Variants in AUTS2 observed in about 807,000 individuals in gnomAD.
AUTS2 encodes the protein autism susceptibility gene 2 protein.
A neutral mutation model predicts 112.4 loss-of-function variants in AUTS2; 17 were observed. The observed-to-expected ratio is 0.15, with a 90% CI of 0.10 to 0.23. AUTS2 has a LOEUF of 0.23. Among genes scored for constraint, AUTS2 ranks in the 10% least tolerant of loss-of-function variants. The pLI, the probability that AUTS2 is intolerant of heterozygous loss-of-function variation, is 1.00. For missense variants in AUTS2, 1,510 were observed against 1,701.6 expected, an observed-to-expected ratio of 0.89 and a Z score of 1.98; for synonymous variants, 751 against 702.7, an observed-to-expected ratio of 1.07 and a Z score of -1.09.
intron 1 of AUTS2, among the ~76,000 whole-genome samples, chr7:69,702,745 C>A (rs1387443046): frequency 6.6e-6 from 1 of 152,094 alleles, no homozygotes; most frequent in African/African-American, 2.4e-5. Flanking sequence ...CCAGTGGGTG[C>A]AGTTCAAGAA....
At chr7:70,037,525 G>GTATTA (rs1489632667) in intron 2 of AUTS2, among the ~76,000 whole-genome samples, 3 of 152,110 alleles carry the variant, frequency 2.0e-5, no homozygotes, top group African/African-American at 7.2e-5. Flanking sequence ...ACAATAAAAT[G>GTATTA]TATTAATAAT....
chr7:69,756,656 A>G (rs1169618852), intron 1 of AUTS2, among the ~76,000 whole-genome samples: 1 of 151,862 alleles, frequency 6.6e-6, no homozygotes, highest in Non-Finnish European at 1.5e-5. Flanking sequence ...GAATAATACC[A>G]ATAAAAATTG....
chr7:70,599,995 C>G (rs1021959010), intron 5 of AUTS2, among the ~76,000 whole-genome samples: 18 of 152,172 alleles, frequency 1.2e-4, no homozygotes, highest in Non-Finnish European at 2.1e-4. Context: ...GGACCTTCAG[C>G]ACCCCGGGGA....
chr7:70,511,234 A>G (rs1221684114), intron 5 of AUTS2, among the ~76,000 whole-genome samples: 1 of 152,144 alleles, frequency 6.6e-6, no homozygotes, highest in Non-Finnish European at 1.5e-5. Context: ...AGGTCAAAGC[A>G]TTTGCAAACT....
At chr7:70,779,806 C>G (rs1790948860) in intron 14 of AUTS2, among the ~76,000 whole-genome samples, 1 of 152,054 alleles carries the variant, frequency 6.6e-6, no homozygotes. Context: ...AAGGCAAGCA[C>G]TTTGGGATCG....
At chr7:69,861,537 G>A (rs1187822879) in intron 1 of AUTS2, among the ~76,000 whole-genome samples, 2 of 152,262 alleles carry the variant, frequency 1.3e-5, no homozygotes, top group Middle Eastern at 3.4e-3. Context: ...ATTGAAAAAG[G>A]CTTGCAAGGA....
intron 4 of AUTS2, among the ~76,000 whole-genome samples, chr7:70,345,575 T>G (rs954141500): frequency 6.6e-6 from 1 of 152,208 alleles, no homozygotes; most frequent in African/African-American, 2.4e-5. Context: ...TTGATTCCCT[T>G]GAGCCATTGT....
chr7:69,600,327 C>T (rs1007305298), intron 1 of AUTS2, among the ~76,000 whole-genome samples: 1 of 151,884 alleles, frequency 6.6e-6, no homozygotes, highest in Non-Finnish European at 1.5e-5. Flanking sequence ...CCAATCATGG[C>T]TTCTTGGCTG....
intron 1 of AUTS2, among the ~76,000 whole-genome samples, chr7:69,732,424 G>A (rs752492977): frequency 1.3e-4 from 20 of 151,644 alleles, no homozygotes; most frequent in Non-Finnish European, 2.9e-4. Flanking sequence ...GTCTGGAGGA[G>A]TGTGCGTGAG....
intron 1 of AUTS2, among the ~76,000 whole-genome samples, chr7:69,683,882 G>A (rs557988583): frequency 7.9e-5 from 12 of 152,328 alleles, no homozygotes; most frequent in African/African-American, 2.9e-4. Flanking sequence ...CTGCACTTCA[G>A]CCTGGGCAGT....
intron 4 of AUTS2, among the ~76,000 whole-genome samples, chr7:70,407,718 A>G (rs1241379530): frequency 6.6e-6 from 1 of 152,080 alleles, no homozygotes; most frequent in Admixed American, 6.6e-5. Context: ...CAGGAGTTCA[A>G]GACCGACCTG....
chr7:69,759,807 C>G (rs1343874338), intron 1 of AUTS2, among the ~76,000 whole-genome samples: 2 of 111,498 alleles, frequency 1.8e-5, no homozygotes, highest in African/African-American at 7.1e-5. Flanking sequence ...GGACTCATTT[C>G]AAAGATGGGC....
At chr7:70,289,142 A>G (rs1244910574) in intron 4 of AUTS2, among the ~76,000 whole-genome samples, 4 of 152,216 alleles carry the variant, frequency 2.6e-5, no homozygotes, top group Admixed American at 1.3e-4. Flanking sequence ...ATATATTCCA[A>G]ACATCTTCCT....
chr7:70,724,835 A>T (rs1786931683), intron 6 of AUTS2, among the ~76,000 whole-genome samples: 1 of 152,230 alleles, frequency 6.6e-6, no homozygotes, highest in African/African-American at 2.4e-5. Flanking sequence ...GGATCTTTTC[A>T]ATAATTCCAT....
intron 5 of AUTS2, among the ~76,000 whole-genome samples, chr7:70,599,087 C>T (rs140071965): frequency 5.9e-5 from 9 of 152,340 alleles, no homozygotes; most frequent in African/African-American, 2.2e-4. Context: ...TGGTTCCCTG[C>T]ATAGGCTGTG....
intron 4 of AUTS2, chr7:70,194,843 C>G (rs2129584165): frequency 6.6e-6 from 1 of 152,256 alleles, no homozygotes; most frequent in Middle Eastern, 3.4e-3. Flanking sequence ...TGAGTTCTAG[C>G]AGGGTTTGGG....
chr7:69,837,859 C>G (rs950729017), intron 1 of AUTS2, among the ~76,000 whole-genome samples: 6 of 152,204 alleles, frequency 3.9e-5, no homozygotes, highest in Non-Finnish European at 7.4e-5. Flanking sequence ...AAAATGCAGA[C>G]TTGCAAACCA....
At chr7:69,896,298 G>A (rs548515241) in intron 1 of AUTS2, among the ~76,000 whole-genome samples, 1 of 152,238 alleles carries the variant, frequency 6.6e-6, no homozygotes, top group Non-Finnish European at 1.5e-5. Flanking sequence ...CTTTGATCTC[G>A]ACTTGTCCCC....
intron 2 of AUTS2, among the ~76,000 whole-genome samples, chr7:69,956,293 G>T (rs1032751231): frequency 6.6e-6 from 1 of 152,102 alleles, no homozygotes; most frequent in African/African-American, 2.4e-5. Flanking sequence ...ATGTCATCAA[G>T]TATACATACA....
Sources: allele counts gnomAD v4.1 joint callset (sites outside exome capture counted in the v4.1 genomes callset), GRCh38; gene constraint gnomAD v4.1.1; transcripts MANE v1.5; gene names NCBI Gene and HGNC (gene_info 2026-07-23, HGNC 2026-07-21).